The following CARD9 variants were observed in gnomAD, a reference collection of about 807,000 sequenced individuals.
CARD9 encodes the protein caspase recruitment domain family member 9.
A neutral mutation model predicts 66.0 loss-of-function variants in CARD9; 53 were observed. The ratio of observed to expected loss-of-function variants is 0.80; its 90% CI spans 0.64 to 1.01. CARD9 has a LOEUF of 1.01. CARD9 is among the 50% of genes least tolerant of loss of function. CARD9 has a pLI of 0.00. For synonymous variants in CARD9, 387 were observed against 313.8 expected (o/e 1.23, Z -2.47); for missense variants, 769 against 743.2 (o/e 1.03, Z -0.40).
Position 136,364,824 on chromosome 9 carries a change from C to T in CARD9, c.1435-265G>A. The T allele has an allele frequency of 5.0e-6, 3 of 598,134 alleles. No individual in the cohort carries two copies. The South Asian group carries it at 6.1e-5, about 12-fold the overall frequency. The allele number at this position is 598,134 out of a possible 1,614,324, so 37.1% of individuals were successfully genotyped here. ...CCTGGGGTCCGGGCCATTGTTTCTACAACAAAGCCCGAGGTGGTGCTTGCT... is the reference window on the plus strand; with the variant it reads ...CCTGGGGTCCGGGCCATTGTTTCTATAACAAAGCCCGAGGTGGTGCTTGCT... On this transcript the variant is annotated intron_variant, in intron 11 of 12. Transcript: ENST00000371732.
At chr9:136,367,916 C>G in intron 7 of CARD9, 88 bp from the exon 8 acceptor site, 2 of 1,476,732 alleles carry the variant, frequency 1.4e-6, no homozygotes, top group Non-Finnish European at 1.8e-6. Context: ...CAAGCAGAGG[C>G]TCCGGAGGAC....
chr9:136,370,068 C>T, intron 6 of CARD9, 193 bp from the exon 7 acceptor site: 2 of 1,393,422 alleles, frequency 1.4e-6, no homozygotes, highest in Non-Finnish European at 1.9e-6. Flanking sequence ...CGGCAGGCCT[C>T]AGACACTGCT....
Position 136,364,046 on chromosome 9 carries a change from A to G in CARD9, c.*256T>C, listed in dbSNP as rs1475465925. 2.3e-5 allele frequency: 35 copies of G among 1,521,112 alleles called. No homozygotes were observed. The highest frequency in any genetic ancestry group is 2.9e-5 in the Non-Finnish European group (32 of 1,120,244). 94.2% of individuals were successfully genotyped at this position (1,521,112 alleles called of 1,614,324 possible). On this transcript the variant is annotated 3_prime_UTR_variant, in exon 13 of 13. Coordinates refer to ENST00000371732, the MANE Select transcript of CARD9 (RefSeq NM_052813.5). Reference sequence around the variant, plus strand: ...TATTGTGTGTTACATGGTGAAACAGAACAGATCCTGAAGTTACACAGATGG... The same window carrying G: ...TATTGTGTGTTACATGGTGAAACAGGACAGATCCTGAAGTTACACAGATGG...
rs558145829 is a variant in CARD9, at chr9:136,370,958, G to A, written c.510C>T (p.Ala170=). 31 of 1,610,750 alleles carry A rather than the reference G, an allele frequency of 1.9e-5. No homozygotes were observed. The highest frequency in any genetic ancestry group is 5.0e-5 in the Admixed American group (3 of 59,764). Residue 170 remains alanine (A), a synonymous_variant, in exon 4 of 13, where the codon GCC becomes GCT. Coordinates refer to ENST00000371732, the MANE Select transcript of CARD9 (RefSeq NM_052813.5). ...TGCAGCGCTTGAGCTCGCGGCTGCC[G>A]GCCTCGCACTCCTCCTTGAGCCTCT... ...RVQRLKEECE[A]GSRELKRCKE... is the part of the protein sequence containing the mutation.
chr9:136,372,295 AC>A (rs1833296083), intron 1 of CARD9, among the ~76,000 whole-genome samples: 1 of 151,758 alleles, frequency 6.6e-6, no homozygotes, highest in South Asian at 2.1e-4. Context: ...AGACACAGTG[AC>A]CCCGCTCCCC....
chr9:136,370,005 C>T, intron 6 of CARD9, 130 bp from the exon 7 acceptor site: 2 of 1,510,630 alleles, frequency 1.3e-6, no homozygotes, highest in Non-Finnish European at 1.8e-6. Flanking sequence ...CCATAGGAGT[C>T]CCCAGGCCCC....
intron 7 of CARD9, 84 bp from the exon 8 acceptor site, chr9:136,367,912 G>A (rs1206125078): frequency 1.4e-6 from 2 of 1,479,158 alleles, no homozygotes; most frequent in East Asian, 2.5e-5. Flanking sequence ...ACTCCAAGCA[G>A]AGGCTCCGGA....
At chr9:136,367,525 G>T in intron 8 of CARD9, 112 bp downstream of exon 8, 1 of 1,329,622 alleles carries the variant, frequency 7.5e-7, no homozygotes, top group Non-Finnish European at 1.0e-6. Context: ...GTTAGGTTGG[G>T]GCCCGTCACA....
chr9:136,370,893 T>C lies in CARD9; in HGVS notation c.575A>G (p.Gln192Arg), dbSNP rs749914021. 6.2e-6 allele frequency: 10 copies of C among 1,608,844 alleles called. No homozygotes were observed. Among genetic ancestry groups the C allele is most frequent in the East Asian group, 2.2e-5 (1 of 44,776 alleles). The change falls in exon 4 of 13, where the codon CAG becomes CGG. Residue 192 changes from glutamine to arginine, a missense_variant. By Grantham distance (43) the Gln-to-Arg change is conservative (BLOSUM62 1). Coordinates refer to ENST00000371732, the MANE Select transcript of CARD9 (RefSeq NM_052813.5). Reference sequence around the variant, plus strand: ...GAGCGCGGCGCCCTTCTCCTCACTCTGGTGCGCCAGGCGCATGGCCAGGTC... The same window carrying C: ...GAGCGCGGCGCCCTTCTCCTCACTCCGGTGCGCCAGGCGCATGGCCAGGTC... ...NYDLAMRLAH[Q>R]SEEKGAALMR...
intron 7 of CARD9, 23 bp downstream of exon 7, chr9:136,369,727 G>T: frequency 1.3e-6 from 2 of 1,577,392 alleles, no homozygotes; most frequent in Non-Finnish European, 8.6e-7. Flanking sequence ...GGGGTGCTTT[G>T]TCCTGCCCCT....
intron 4 of CARD9, 69 bp from the exon 5 acceptor site, chr9:136,370,770 G>A (rs560748276): frequency 1.1e-5 from 18 of 1,607,706 alleles, no homozygotes; most frequent in East Asian, 4.5e-5. Context: ...GGCCACCCCC[G>A]ACCGCCCCGG....
chr9:136,369,364 G>A (rs1005816194), intron 7 of CARD9, among the ~76,000 whole-genome samples: 2 of 152,262 alleles, frequency 1.3e-5, no homozygotes, highest in Admixed American at 1.3e-4. Context: ...ATAGATGATA[G>A]ACAGATGGAT....
At position 136,365,076 on chromosome 9, in the gene CARD9, C is replaced by T. The variant is rs1371508687; in HGVS notation, c.1434+65G>A. On this transcript the variant is annotated intron_variant, in intron 11 of 12. Transcript: ENST00000371732. ...AGGGGGTGCCCAGGGCAGGGAGCCACTCTCCCTGTGATCGGTCACCCTGAG... is the reference window on the plus strand; with the variant it reads ...AGGGGGTGCCCAGGGCAGGGAGCCATTCTCCCTGTGATCGGTCACCCTGAG... 5 of 1,504,936 alleles carry T rather than the reference C, an allele frequency of 3.3e-6. No homozygotes were observed. The African/African-American group carries it at 6.9e-5, about 21-fold the overall frequency. The allele number at this position is 1,504,936 out of a possible 1,614,324, so 93.2% of individuals were successfully genotyped here.
In CARD9 at chr9:136,364,320, G is replaced by A. The variant is rs754121945; in HGVS notation, c.1593C>T (p.Thr531=). 3.9e-5 allele frequency: 61 copies of A among 1,561,688 alleles called. No individual in the cohort carries two copies. The highest frequency in any genetic ancestry group is 5.0e-5 in the Non-Finnish European group (58 of 1,153,756). Residue 531 remains threonine, a synonymous_variant, in exon 13 of 13, where the codon ACC becomes ACT. Transcript: ENST00000371732. The part of the protein sequence containing the change: ...DRENTTGSDN[T]DTEGS ...GCTGCGGCTAGGAGCCCTCAGTGTC[G>A]GTGTTGTCGCTGCCCGTGGTGTTCT...
At position 136,370,315 on chromosome 9, in the gene CARD9, C is replaced by G; in HGVS notation, c.930G>C (p.Gln310His). ...CTACCCGGAGGCGTCGGGCCTCGCC[C>G]TGGCGGAGGTCCTTGCGCAGGGAGA... ...TIFSLRKDLRQGEARRLRCME... is the reference protein window; with the variant it reads ...TIFSLRKDLRHGEARRLRCME... The change falls in exon 6 of 13, where the codon CAG (glutamine) becomes CAC (histidine). Residue 310 changes from glutamine (Q) to histidine (H), a missense_variant. Physicochemically the swap from Gln to His is conservative, Grantham distance 24. Coordinates refer to ENST00000371732, the MANE Select transcript of CARD9 (RefSeq NM_052813.5). 6 of 1,606,840 alleles carry G rather than the reference C, an allele frequency of 3.7e-6. No homozygotes were observed. The highest frequency in any genetic ancestry group is 2.2e-5 in the South Asian group (2 of 90,596).
chr9:136,370,460 G>C lies in CARD9; in HGVS notation c.808-23C>G, dbSNP rs746878499. 3.1e-6 allele frequency: 5 copies of C among 1,606,538 alleles called. No individual in the cohort carries two copies. The Admixed American group carries it at 8.4e-5, about 27-fold the overall frequency. ...CTCCTGAAGGGGGCAAAAGGCAATG[G>C]CCTGGCTGGGAAGGCCCCCACTGCC... On this transcript the variant is annotated intron_variant, in intron 5 of 12. Coordinates refer to ENST00000371732, the MANE Select transcript of CARD9 (RefSeq NM_052813.5).
intron 6 of CARD9, 92 bp downstream of exon 6, chr9:136,370,202 C>T (rs1039271950): frequency 5.9e-6 from 9 of 1,534,262 alleles, no homozygotes; most frequent in Non-Finnish European, 7.9e-6. Flanking sequence ...GGGGTCTCCA[C>T]ACCCCACCTT....
rs1357454774 is a variant in CARD9, at chr9:136,371,530, G to C, written c.185-69C>G. On this transcript the variant is annotated intron_variant, in intron 2 of 12. Coordinates refer to ENST00000371732, the MANE Select transcript of CARD9 (RefSeq NM_052813.5). The stretch of plus-strand genomic sequence containing the variant: ...GCAGAGGGCTGGGGTGGGTGGGCCT[G>C]GGGGCAGGGACAGGTGGAGGCTGGC... 3 of 1,517,172 alleles carry C rather than the reference G, an allele frequency of 2.0e-6. No individual in the cohort carries two copies. The African/African-American group carries it at 4.1e-5, about 21-fold the overall frequency. 94.0% of individuals were successfully genotyped at this position (1,517,172 alleles called of 1,614,324 possible).
At position 136,370,966 on chromosome 9, in the gene CARD9, A is replaced by C; in HGVS notation, c.502T>G (p.Cys168Gly). 6.2e-7 allele frequency: 1 copy of C among 1,610,440 alleles called. No homozygotes were observed. Among genetic ancestry groups the C allele is most frequent in the South Asian group, 1.1e-5 (1 of 90,618 alleles). ...TTGAGCTCGCGGCTGCCGGCCTCGC[A>C]CTCCTCCTTGAGCCTCTGCACACGC... ...QERVQRLKEE[C>G]EAGSRELKRC... Residue 168 changes from cysteine to glycine, a missense_variant, in exon 4 of 13, where the codon TGC becomes GGC. Coordinates refer to ENST00000371732, the MANE Select transcript of CARD9 (RefSeq NM_052813.5).
Sources: allele counts gnomAD v4.1 joint callset (sites outside exome capture counted in the v4.1 genomes callset), GRCh38; gene constraint gnomAD v4.1.1; transcripts MANE v1.5; gene names NCBI Gene and HGNC (gene_info 2026-07-23, HGNC 2026-07-21).